The following OTULINL variants were observed in gnomAD, a reference collection of about 807,000 sequenced individuals.
OTULINL encodes OTU deubiquitinase with linear linkage specificity like.
A neutral mutation model predicts 43.9 loss-of-function variants in OTULINL; 42 were observed. That is an observed-to-expected ratio of 0.96 (90% CI 0.75 to 1.24). The LOEUF (loss-of-function observed/expected upper bound fraction) is 1.24, where lower values mean the gene tolerates loss of function less well. Ranked by LOEUF, OTULINL falls within the 50% of genes most tolerant of loss-of-function variation. The probability of loss-of-function intolerance (pLI) is 0.00; values close to 1 mark genes in which losing one functional copy is unlikely to be tolerated. For missense variants in OTULINL, 411 were observed against 426.4 expected (o/e 0.96, Z 0.32); for synonymous variants, 172 against 153.6 (o/e 1.12, Z -0.88).
chr5:14,609,907 C>T (rs945252302), intron 7 of OTULINL, among the ~76,000 whole-genome samples: 4 of 152,130 alleles, frequency 2.6e-5, no homozygotes, highest in Admixed American at 1.3e-4. Context: ...CGTGAGCCAC[C>T]GCGCCTGGCC....
chr5:14,601,036 G>A lies in OTULINL; in HGVS notation c.136G>A (p.Gly46Ser), dbSNP rs1287721068. The part of the protein sequence containing the change: ...ALDTVWRMAK[G>S]FVMLAVSFLV... ...AGACACTGTCTGGAGAATGGCAAAA[G>A]GCTTTGTGATGTTGGCAGTTTCATT... The change falls in exon 2 of 8, where the codon GGC becomes AGC. Residue 46 changes from glycine to serine, a missense_variant. Transcript: ENST00000274217. 2.5e-6 allele frequency: 4 copies of A among 1,612,432 alleles called. No individual in the cohort carries two copies. The highest frequency in any genetic ancestry group is 3.4e-6 in the Non-Finnish European group (4 of 1,179,712).
chr5:14,598,211 C>A (rs1338090233), intron 1 of OTULINL, among the ~76,000 whole-genome samples: 1 of 152,174 alleles, frequency 6.6e-6, no homozygotes, highest in Non-Finnish European at 1.5e-5. Flanking sequence ...AGCAGCCATC[C>A]CCACTTCAGT....
rs578237835 is a variant in OTULINL, at chr5:14,609,068, T to TA, written c.897+52dup. ...TATTTGATTAAGGATGCTGTGGCAC[T>TA]ATTTGAACACAGAGGTGTCTGGGGT... On this transcript the variant is annotated intron_variant, in intron 7 of 7. Transcript: ENST00000274217. 39 of 1,564,514 alleles carry TA rather than the reference T, an allele frequency of 2.5e-5. No individual in the cohort carries two copies. In the East Asian group the frequency reaches 3.4e-4, roughly 14 times the overall value.
At position 14,587,891 on chromosome 5, in the gene OTULINL, T is replaced by C. The variant is rs147706904; in HGVS notation, c.64+5933T>C. 1.9e-3 allele frequency among the ~76,000 whole-genome samples: 283 copies of C among 152,302 alleles called. 1 individual carries two copies. The highest frequency in any genetic ancestry group is 6.5e-3 in the African/African-American group (271 of 41,560). Reference sequence around the variant, plus strand: ...TTGAATTTTGAATTTTGGAGCCTATTACATCTCCCTTTCCCTCCCAGTCTC... The same window carrying C: ...TTGAATTTTGAATTTTGGAGCCTATCACATCTCCCTTTCCCTCCCAGTCTC... On this transcript the variant is annotated intron_variant, in intron 1 of 7. Transcript: ENST00000274217.
At chr5:14,594,411 C>G (rs1759253577) in intron 1 of OTULINL, among the ~76,000 whole-genome samples, 2 of 152,208 alleles carry the variant, frequency 1.3e-5, no homozygotes, top group Admixed American at 6.5e-5. Context: ...ACTGAAGGCT[C>G]CCAGCTTTTC....
At chr5:14,586,916 C>A (rs187313222) in intron 1 of OTULINL, among the ~76,000 whole-genome samples, 2 of 151,728 alleles carry the variant, frequency 1.3e-5, no homozygotes, top group African/African-American at 4.8e-5. Flanking sequence ...CCTGTACCCA[C>A]GACAGTGGAG....
In OTULINL at chr5:14,602,254, T is replaced by C. The variant is rs1163409188; in HGVS notation, c.420T>C (p.Ala140=). 6.2e-6 allele frequency: 10 copies of C among 1,613,176 alleles called. No homozygotes were observed. The highest frequency in any genetic ancestry group is 8.5e-6 in the Non-Finnish European group (10 of 1,179,302). The part of the protein sequence containing the change: ...VRQVRRDNYD[A]LRSVLFQIFS... ...AAGTAAGGAGAGATAACTATGATGC[T>C]CTCAGATCAGTGTTATTTCAGATAT... Residue 140 remains alanine (A), a synonymous_variant, in exon 5 of 8, where the codon GCT becomes GCC. Transcript: ENST00000274217.
At chr5:14,606,564 C>T (rs1759481345) in intron 5 of OTULINL, among the ~76,000 whole-genome samples, 1 of 152,080 alleles carries the variant, frequency 6.6e-6, no homozygotes, top group African/African-American at 2.4e-5. Flanking sequence ...ATAAAATGCA[C>T]AGTATTATTG....
rs1759525371 is a variant in OTULINL at position 14,608,880 on chromosome 5, G to A, written c.760G>A (p.Val254Ile). 1 of 1,614,124 alleles carries A rather than the reference G, an allele frequency of 6.2e-7. No individual in the cohort carries two copies. Among genetic ancestry groups the A allele is most frequent in the Non-Finnish European group, 8.5e-7 (1 of 1,180,016 alleles). ...CATCATGCTGTATCAAGTCACTGAA[G>A]TTTATGAACAAATGAAGACTAAAAA... is the stretch of plus-strand genomic sequence containing the variant. ...KFIMLYQVTE[V>I]YEQMKTKKVI... Residue 254 changes from valine to isoleucine, a missense_variant, in exon 7 of 8, where the codon GTT becomes ATT. Val to Ile is a conservative substitution (Grantham distance 29). Coordinates refer to ENST00000274217, the MANE Select transcript of OTULINL (RefSeq NM_019018.3).
chr5:14,605,602 C>T (rs1385534898), intron 5 of OTULINL, among the ~76,000 whole-genome samples: 1 of 152,174 alleles, frequency 6.6e-6, no homozygotes, highest in Non-Finnish European at 1.5e-5. Flanking sequence ...CTTTTACGCT[C>T]TCTCTTTCAA....
At position 14,614,908 on chromosome 5, in the gene OTULINL, C is replaced by T. The variant is rs1759645714; in HGVS notation, c.*4594C>T. 7.6e-6 allele frequency: 3 copies of T among 396,768 alleles called. No individual in the cohort carries two copies. The highest frequency in any genetic ancestry group is 1.3e-5 in the Non-Finnish European group (3 of 225,490). The allele number at this position is 396,768 out of a possible 1,614,324, so 24.6% of individuals were successfully genotyped here. On this transcript the variant is annotated 3_prime_UTR_variant, in exon 8 of 8. Transcript: ENST00000274217. ...GGTCTTAGATTGTTAAGTCATTTTGCTGCCACCAGACCAGTGAGAGTCACT... is the reference window on the plus strand; with the variant it reads ...GGTCTTAGATTGTTAAGTCATTTTGTTGCCACCAGACCAGTGAGAGTCACT...
intron 1 of OTULINL, among the ~76,000 whole-genome samples, chr5:14,585,727 C>G (rs1050528854): frequency 1.3e-5 from 2 of 152,240 alleles, no homozygotes; most frequent in Non-Finnish European, 2.9e-5. Context: ...GTGACGCTCA[C>G]AACGGCTGCA....
At chr5:14,607,261 C>A in intron 5 of OTULINL, 69 bp from the exon 6 acceptor site, 1 of 1,511,652 alleles carries the variant, frequency 6.6e-7, no homozygotes, top group Non-Finnish European at 9.1e-7. Context: ...GTGTGCTGTG[C>A]TATACAGCAA....
intron 4 of OTULINL, 151 bp from the exon 5 acceptor site, chr5:14,602,032 T>C: frequency 1.6e-6 from 1 of 629,464 alleles, no homozygotes; most frequent in East Asian, 2.9e-5. Flanking sequence ...TGAGAGTCAC[T>C]TTAAAATTAC....
At chr5:14,604,410 G>A (rs1759438746) in intron 5 of OTULINL, among the ~76,000 whole-genome samples, 1 of 151,936 alleles carries the variant, frequency 6.6e-6, no homozygotes, top group Non-Finnish European at 1.5e-5. Flanking sequence ...TCCACCCCTG[G>A]CCCCTCCCAA....
At chr5:14,592,744 C>A (rs1326701974) in intron 1 of OTULINL, among the ~76,000 whole-genome samples, 1 of 152,162 alleles carries the variant, frequency 6.6e-6, no homozygotes, top group Non-Finnish European at 1.5e-5. Context: ...TTCTTCATAA[C>A]CCCAAGCAAT....
intron 5 of OTULINL, among the ~76,000 whole-genome samples, chr5:14,602,778 C>T (rs1759410800): frequency 6.6e-6 from 1 of 152,204 alleles, no homozygotes; most frequent in African/African-American, 2.4e-5. Context: ...CTCTGTCTCT[C>T]ATGTCAGTTG....
chr5:14,582,565 G>A (rs1302583213), intron 1 of OTULINL, among the ~76,000 whole-genome samples: 2 of 152,158 alleles, frequency 1.3e-5, no homozygotes, highest in African/African-American at 4.8e-5. Context: ...GGAGGCCGAG[G>A]CTGGCGGATC....
chr5:14,593,697 TAGA>T (rs1759242129), intron 1 of OTULINL, among the ~76,000 whole-genome samples: 3 of 152,248 alleles, frequency 2.0e-5, no homozygotes, highest in African/African-American at 7.2e-5. Context: ...TCAACATCTC[TAGA>T]AGATGTGCCC....
Sources: gnomAD v4.1 joint callset for allele counts (sites outside exome capture counted in the v4.1 genomes callset) on GRCh38, gnomAD v4.1.1 for gene constraint, MANE v1.5 for transcripts, NCBI Gene and HGNC (gene_info 2026-07-23, HGNC 2026-07-21) for gene names.